The following CTNNA2 variants were observed in gnomAD, a reference collection of about 807,000 sequenced individuals.
The protein encoded by CTNNA2 is catenin alpha 2.
CTNNA2 carries 42 observed loss-of-function variants against 101.0 expected under a neutral mutation model. The observed-to-expected ratio is 0.42, with a 90% CI of 0.32 to 0.54. The LOEUF (loss-of-function observed/expected upper bound fraction) is 0.54. CTNNA2 is among the 20% of genes least tolerant of loss of function. The pLI, the probability that CTNNA2 is intolerant of heterozygous loss-of-function variation, is 0.14. For synonymous variants in CTNNA2, 450 were observed against 456.4 expected (o/e 0.99, Z 0.18); for missense variants, 871 against 1,223.1 (o/e 0.71, Z 4.29).
Position 80,419,623 on chromosome 2 carries a change from G to A in CTNNA2, c.1290+22G>A, listed in dbSNP as rs764553474. ...AGAGGTAAGTGTGGAGGGGCCTGAAGACTAGAGTTTACCGATGGGTTCAAT... is the reference window on the plus strand; with the variant it reads ...AGAGGTAAGTGTGGAGGGGCCTGAAAACTAGAGTTTACCGATGGGTTCAAT... On this transcript the variant is annotated intron_variant, in intron 9 of 18. Transcript: ENST00000402739. The A allele has an allele frequency of 2.0e-5, 32 of 1,612,336 alleles. No homozygotes were observed. In the African/African-American group the frequency reaches 3.7e-4, roughly 19 times the overall value.
intron 8 of CTNNA2, among the ~76,000 whole-genome samples, chr2:80,417,538 T>C (rs1187373784): frequency 6.6e-6 from 1 of 151,976 alleles, no homozygotes; most frequent in Non-Finnish European, 1.5e-5. Context: ...TTATTTTATT[T>C]GTCTTATGGC....
At chr2:80,087,654 A>G (rs1699532741) in intron 7 of CTNNA2, among the ~76,000 whole-genome samples, 1 of 152,074 alleles carries the variant, frequency 6.6e-6, no homozygotes, top group Admixed American at 6.6e-5. Flanking sequence ...CACTTCTCAA[A>G]TATTAATGTG....
At chr2:79,799,434 C>A (rs1240839420) in intron 3 of CTNNA2, among the ~76,000 whole-genome samples, 2 of 151,850 alleles carry the variant, frequency 1.3e-5, no homozygotes, top group Non-Finnish European at 2.9e-5. Context: ...TTTGTTTTTT[C>A]TGCAAAAACT....
intron 7 of CTNNA2, among the ~76,000 whole-genome samples, chr2:80,319,572 C>T (rs1678481809): frequency 1.3e-5 from 2 of 152,180 alleles, no homozygotes; most frequent in Non-Finnish European, 2.9e-5. Context: ...TGGTTTTTCT[C>T]TTTCAGAATC....
At chr2:79,343,088 G>A (rs577876449) in intron 3 of CTNNA2, among the ~76,000 whole-genome samples, 2 of 152,068 alleles carry the variant, frequency 1.3e-5, no homozygotes, top group Admixed American at 6.6e-5. Context: ...TATGTACAAG[G>A]TTATTCATTA....
intron 7 of CTNNA2, among the ~76,000 whole-genome samples, chr2:80,060,007 AG>A (rs2104372975): frequency 6.6e-6 from 1 of 152,364 alleles, no homozygotes; most frequent in Non-Finnish European, 1.5e-5. Flanking sequence ...TAAACTATTT[AG>A]GTACTGAATA....
chr2:80,276,403 C>G (rs310775), intron 7 of CTNNA2, among the ~76,000 whole-genome samples: 72,556 of 151,934 alleles, frequency 0.48, 17,912 homozygotes, highest in Non-Finnish European at 0.53. Flanking sequence ...ATAGTATGGA[C>G]TGTAACCCAG....
At chr2:80,584,591 G>A (rs547005930) in intron 14 of CTNNA2, among the ~76,000 whole-genome samples, 2 of 152,014 alleles carry the variant, frequency 1.3e-5, no homozygotes, top group South Asian at 4.1e-4. Context: ...AGTGACAATT[G>A]CTAGGCACTT....
At chr2:79,257,803 T>TAA (rs375111398) in intron 2 of CTNNA2, among the ~76,000 whole-genome samples, 86 of 146,826 alleles carry the variant, frequency 5.9e-4, no homozygotes, top group Admixed American at 1.0e-3. Flanking sequence ...CTGGTTGGCT[T>TAA]AAAAAAAAAA....
rs935916066 is a variant in CTNNA2 at position 79,241,533 on chromosome 2, A to G, written c.-406+43457A>G. On this transcript the variant is annotated intron_variant, in intron 2 of 21. Coordinates refer to the CTNNA2 transcript ENST00000466387. ...GAATAGTGAACCTGGAGGATTTTGG[A>G]AAAAAAATAGGTGTCTATTTTTGCT... 3.9e-5 allele frequency among the ~76,000 whole-genome samples: 6 copies of G among 152,182 alleles called. 1 individual carries two copies. In the East Asian group the frequency reaches 9.7e-4, roughly 24 times the overall value.
At chr2:79,961,493 T>C (rs2104531715) in intron 7 of CTNNA2, among the ~76,000 whole-genome samples, 1 of 152,244 alleles carries the variant, frequency 6.6e-6, no homozygotes, top group Middle Eastern at 3.4e-3. Flanking sequence ...TTGAGAGCAG[T>C]ATGCAAATTA....
intron 7 of CTNNA2, among the ~76,000 whole-genome samples, chr2:80,368,867 GTATA>G (rs1553505682): frequency 6.9e-6 from 1 of 144,726 alleles, no homozygotes. Context: ...GTGTGTGTGT[GTATA>G]TATATATATA....
At chr2:79,223,580 T>C (rs1674372685) in intron 2 of CTNNA2, among the ~76,000 whole-genome samples, 1 of 152,166 alleles carries the variant, frequency 6.6e-6, no homozygotes, top group South Asian at 2.1e-4. Flanking sequence ...CAGTCACCCA[T>C]CAGTAAGACA....
At position 80,377,371 on chromosome 2, in the gene CTNNA2, T is replaced by C. The variant is rs1042600778; in HGVS notation, c.1057-15840T>C. ...TGCTTATTGGATACCATTTTCATGC[T>C]AGACTCAGAGATAGACATGTTGTAT... On this transcript the variant is annotated intron_variant, in intron 7 of 18. Transcript: ENST00000402739. Among the ~76,000 whole-genome samples the C allele has an allele frequency of 3.9e-5, 6 of 152,378 alleles. No homozygotes were observed. The East Asian group carries it at 1.2e-3, about 29-fold the overall frequency.
intron 4 of CTNNA2, among the ~76,000 whole-genome samples, chr2:79,496,582 G>T (rs1456952243): frequency 6.6e-6 from 1 of 151,234 alleles, no homozygotes; most frequent in African/African-American, 2.4e-5. Flanking sequence ...TCCATTTTGG[G>T]GATTTATTAA....
At chr2:80,215,379 C>T (rs1708196956) in intron 7 of CTNNA2, among the ~76,000 whole-genome samples, 1 of 152,092 alleles carries the variant, frequency 6.6e-6, no homozygotes, top group African/African-American at 2.4e-5. Context: ...TGCTCTATCC[C>T]TATCTTTGTG....
At chr2:80,097,841 T>C (rs1179409828) in intron 7 of CTNNA2, among the ~76,000 whole-genome samples, 1 of 152,248 alleles carries the variant, frequency 6.6e-6, no homozygotes, top group Non-Finnish European at 1.5e-5. Flanking sequence ...TCTCGTGCCA[T>C]GGTTTTCAGC....
intron 4 of CTNNA2, among the ~76,000 whole-genome samples, chr2:79,448,734 G>A (rs533098429): frequency 6.6e-5 from 10 of 152,138 alleles, no homozygotes; most frequent in East Asian, 3.9e-4. Flanking sequence ...TTTAGTTCTC[G>A]TGACAGGTCT....
At chr2:79,242,997 C>CACACACACACACACACACACAT (rs1674649778) in intron 2 of CTNNA2, among the ~76,000 whole-genome samples, 1 of 96,016 alleles carries the variant, frequency 1.0e-5, no homozygotes, top group South Asian at 3.9e-4. Context: ...TATATATACA[C>CACACACACACACACACACACAT]ACACACACAC....
Sources: allele counts gnomAD v4.1 joint callset (sites outside exome capture counted in the v4.1 genomes callset), GRCh38; gene constraint gnomAD v4.1.1; transcripts MANE v1.5; gene names NCBI Gene and HGNC (gene_info 2026-07-23, HGNC 2026-07-21).